VAV3: variants seen among roughly 807,000 people sequenced by gnomAD.
VAV3 encodes the protein vav guanine nucleotide exchange factor 3, also known as guanine nucleotide exchange factor VAV3.
A neutral mutation model predicts 131.2 loss-of-function variants in VAV3; 94 were observed. That is an observed-to-expected ratio of 0.72 (90% CI 0.61 to 0.85). The LOEUF (loss-of-function observed/expected upper bound fraction) is 0.85, where lower values mean the gene tolerates loss of function less well. Ranked by LOEUF, VAV3 falls within the 40% of genes least tolerant of loss-of-function variation. The pLI is 0.00. For missense variants in VAV3, 939 were observed against 1,002.7 expected (o/e 0.94, Z 0.86); for synonymous variants, 349 against 342.0 (o/e 1.02, Z -0.22).
intron 17 of VAV3, among the ~76,000 whole-genome samples, chr1:107,700,955 A>C (rs541169528): frequency 6.6e-6 from 1 of 152,334 alleles, no homozygotes; most frequent in South Asian, 2.1e-4. Context: ...CTGCCTCAGC[A>C]GCATCTATTG....
chr1:107,919,078 G>C (rs934848026), intron 1 of VAV3, among the ~76,000 whole-genome samples: 8 of 152,064 alleles, frequency 5.3e-5, no homozygotes, highest in Non-Finnish European at 1.0e-4. Flanking sequence ...TAATAAATTA[G>C]TCATTGGTTA....
intron 1 of VAV3, among the ~76,000 whole-genome samples, chr1:107,880,383 G>A (rs1315394434): frequency 6.6e-6 from 1 of 152,180 alleles, no homozygotes; most frequent in Non-Finnish European, 1.5e-5. Flanking sequence ...GGTTGAGATG[G>A]ACACTTCTCT....
At chr1:107,874,810 A>C (rs1353276844) in intron 2 of VAV3, 91 bp downstream of exon 2, 1 of 1,161,636 alleles carries the variant, frequency 8.6e-7, no homozygotes, top group African/African-American at 1.5e-5. Flanking sequence ...TACATAAACC[A>C]CTTAAGTCAC....
At chr1:107,870,164 G>A (rs922609848) in intron 2 of VAV3, among the ~76,000 whole-genome samples, 2 of 152,114 alleles carry the variant, frequency 1.3e-5, no homozygotes, top group African/African-American at 4.8e-5. Context: ...TAGTGGGACT[G>A]CTGGATCAAA....
At chr1:107,904,048 T>G (rs1242028302) in intron 1 of VAV3, among the ~76,000 whole-genome samples, 2 of 152,122 alleles carry the variant, frequency 1.3e-5, no homozygotes, top group East Asian at 3.9e-4. Context: ...CCATTACCTG[T>G]TCTATAACTT....
At chr1:107,884,459 C>G (rs543593255) in intron 1 of VAV3, among the ~76,000 whole-genome samples, 1 of 145,146 alleles carries the variant, frequency 6.9e-6, no homozygotes, top group Non-Finnish European at 1.5e-5. Flanking sequence ...TATTTTGAGA[C>G]AGGTTCTTTC....
chr1:107,578,803 G>T lies in VAV3; in HGVS notation c.2351-4605C>A, dbSNP rs1186535510. 12 of 984,936 alleles carry T rather than the reference G, an allele frequency of 1.2e-5. No homozygotes were observed. In the African/African-American group the frequency reaches 1.6e-4, roughly 13 times the overall value. The allele number at this position is 984,936 out of a possible 1,614,324, so 61.0% of individuals were successfully genotyped here. A position where few individuals can be genotyped will look rare whatever the true frequency, so the allele number is the denominator to read the frequency against. ...TCTCTGGGACTATTTTATCCATAAA[G>T]AAATAAAACACTATATTTCTCCAAA... On this transcript the variant is annotated intron_variant, in intron 25 of 26. Coordinates refer to ENST00000370056, the MANE Select transcript of VAV3 (RefSeq NM_006113.5).
intron 1 of VAV3, among the ~76,000 whole-genome samples, chr1:107,929,098 A>G (rs1218435188): frequency 6.6e-6 from 1 of 151,996 alleles, no homozygotes; most frequent in Non-Finnish European, 1.5e-5. Context: ...AGGGAGTGAC[A>G]TGACATATTT....
intron 18 of VAV3, among the ~76,000 whole-genome samples, chr1:107,683,764 G>A (rs1411112837): frequency 1.3e-5 from 2 of 152,106 alleles, no homozygotes; most frequent in Admixed American, 6.5e-5. Flanking sequence ...CCTTATAACA[G>A]TAAGAAAAAA....
At chr1:107,768,732 A>C (rs1664873960) in intron 6 of VAV3, among the ~76,000 whole-genome samples, 1 of 152,204 alleles carries the variant, frequency 6.6e-6, no homozygotes, top group African/African-American at 2.4e-5. Flanking sequence ...TAAAGTATAA[A>C]ATAAAATGGT....
intron 19 of VAV3, chr1:107,677,848 A>G (rs1658317161): frequency 6.6e-6 from 1 of 152,156 alleles, no homozygotes; most frequent in Non-Finnish European, 1.5e-5. Flanking sequence ...GTGCCTGACC[A>G]GTATAAAAGA....
chr1:107,705,835 A>G (rs929967721), intron 15 of VAV3, among the ~76,000 whole-genome samples: 1 of 152,162 alleles, frequency 6.6e-6, no homozygotes, highest in African/African-American at 2.4e-5. Flanking sequence ...TCTAAAGTAG[A>G]GCTTACCCTT....
chr1:107,761,987 A>G (rs537215863), intron 9 of VAV3, among the ~76,000 whole-genome samples: 40 of 152,206 alleles, frequency 2.6e-4, no homozygotes, highest in African/African-American at 9.6e-4. Context: ...AATAATTATG[A>G]CTTTGAGTAA....
intron 15 of VAV3, among the ~76,000 whole-genome samples, chr1:107,729,550 G>T (rs1662089996): frequency 1.3e-5 from 2 of 152,170 alleles, no homozygotes; most frequent in African/African-American, 4.8e-5. Flanking sequence ...CCTACGACAT[G>T]GTGCACTGAA....
intron 16 of VAV3, 41 bp downstream of exon 16, chr1:107,704,919 T>C: frequency 6.4e-7 from 1 of 1,562,294 alleles, no homozygotes; most frequent in Non-Finnish European, 8.8e-7. Flanking sequence ...AGCAATTATA[T>C]CAGTTCCTTT....
chr1:107,581,255 G>C (rs1650030226), intron 25 of VAV3, among the ~76,000 whole-genome samples: 1 of 152,142 alleles, frequency 6.6e-6, no homozygotes, highest in Non-Finnish European at 1.5e-5. Flanking sequence ...TATTAGCATA[G>C]GCAAGGGAGG....
chr1:107,870,026 T>A (rs1045380518), intron 2 of VAV3, among the ~76,000 whole-genome samples: 1 of 152,210 alleles, frequency 6.6e-6, no homozygotes, highest in Admixed American at 6.5e-5. Flanking sequence ...AATTTCTTTA[T>A]CCACATTGAT....
At position 107,768,538 on chromosome 1, in the gene VAV3, T is replaced by C. The variant is rs116635986; in HGVS notation, c.649-29A>G. 2.3e-3 allele frequency: 3,595 copies of C among 1,565,224 alleles called. 82 individuals carry two copies. The African/African-American group carries it at 0.044, about 19-fold the overall frequency. On this transcript the variant is annotated intron_variant, in intron 6 of 26. Transcript: ENST00000370056. ...CCAGGAAAGAAGAAGAAAATAGTAATTAAGTATAACTTGTCCTAATCTATA... is the reference window on the plus strand; with the variant it reads ...CCAGGAAAGAAGAAGAAAATAGTAACTAAGTATAACTTGTCCTAATCTATA...
chr1:107,926,034 C>T (rs1276589111), intron 1 of VAV3, among the ~76,000 whole-genome samples: 3 of 152,200 alleles, frequency 2.0e-5, no homozygotes, highest in African/African-American at 7.2e-5. Context: ...AATCTCAGCA[C>T]TTTGGGAAGC....
Sources: gnomAD v4.1 joint callset for allele counts (sites outside exome capture counted in the v4.1 genomes callset) on GRCh38, gnomAD v4.1.1 for gene constraint, MANE v1.5 for transcripts, NCBI Gene and HGNC (gene_info 2026-07-23, HGNC 2026-07-21) for gene names.